Variants in HS6ST3 observed in about 807,000 individuals in gnomAD.
The protein encoded by HS6ST3 is heparan-sulfate 6-O-sulfotransferase 3.
HS6ST3 carries 12 observed loss-of-function variants against 36.7 expected under a neutral mutation model. The observed-to-expected ratio is 0.33, with a 90% CI of 0.21 to 0.53. The LOEUF is 0.53. HS6ST3 is among the 20% of genes least tolerant of loss of function. The pLI is 0.95. For synonymous variants in HS6ST3, 240 were observed against 257.5 expected, an observed-to-expected ratio of 0.93 and a Z score of 0.65; for missense variants, 584 against 640.9, an observed-to-expected ratio of 0.91 and a Z score of 0.96.
At chr13:96,174,105 C>G (rs1372817919) in intron 1 of HS6ST3, among the ~76,000 whole-genome samples, 1 of 152,168 alleles carries the variant, frequency 6.6e-6, no homozygotes, top group East Asian at 1.9e-4. Flanking sequence ...TAAATACTAG[C>G]TAATCATCAT....
At chr13:96,506,570 C>A (rs2056027531) in intron 1 of HS6ST3, among the ~76,000 whole-genome samples, 1 of 152,086 alleles carries the variant, frequency 6.6e-6, no homozygotes, top group East Asian at 1.9e-4. Flanking sequence ...GCTGCCTTTC[C>A]ATTTAGATGG....
At chr13:96,684,938 A>G (rs1193661373) in intron 1 of HS6ST3, among the ~76,000 whole-genome samples, 1 of 152,112 alleles carries the variant, frequency 6.6e-6, no homozygotes, top group Non-Finnish European at 1.5e-5. Context: ...GATTGCATAT[A>G]TGTGTATATG....
intron 1 of HS6ST3, among the ~76,000 whole-genome samples, chr13:96,665,279 A>G: frequency 6.6e-6 from 1 of 152,342 alleles, no homozygotes; most frequent in East Asian, 1.9e-4. Context: ...TATAAGATAC[A>G]TTTCAATTGA....
chr13:96,526,746 A>G (rs941068810), intron 1 of HS6ST3, among the ~76,000 whole-genome samples: 2 of 152,164 alleles, frequency 1.3e-5, no homozygotes, highest in Non-Finnish European at 2.9e-5. Context: ...ATCATTAGGT[A>G]TGGGAGAAAG....
intron 1 of HS6ST3, among the ~76,000 whole-genome samples, chr13:96,718,701 C>CA (rs1198100846): frequency 2.0e-5 from 3 of 152,112 alleles, no homozygotes; most frequent in African/African-American, 7.2e-5. Flanking sequence ...ATACAACTCC[C>CA]AAAAAATACT....
chr13:96,127,223 G>A (rs1227872453), intron 1 of HS6ST3, among the ~76,000 whole-genome samples: 1 of 152,138 alleles, frequency 6.6e-6, no homozygotes, highest in African/African-American at 2.4e-5. Context: ...ATGGATACTT[G>A]CCATTCTTCT....
At chr13:96,620,674 C>T (rs914740256) in intron 1 of HS6ST3, among the ~76,000 whole-genome samples, 2 of 152,092 alleles carry the variant, frequency 1.3e-5, no homozygotes, top group Non-Finnish European at 2.9e-5. Context: ...TCATTAGTTC[C>T]CCCACCTGTA....
At chr13:96,591,479 A>G in intron 1 of HS6ST3, among the ~76,000 whole-genome samples, 1 of 151,944 alleles carries the variant, frequency 6.6e-6, no homozygotes. Context: ...ATTACTTTTT[A>G]ATTTCTTTTT....
At chr13:96,168,177 T>A (rs112291042) in intron 1 of HS6ST3, among the ~76,000 whole-genome samples, 2,010 of 152,224 alleles carry the variant, frequency 0.013, 23 homozygotes, top group Non-Finnish European at 0.02. Flanking sequence ...TTAACCACTC[T>A]CTAGGGCATG....
At chr13:96,590,235 T>C (rs909449818) in intron 1 of HS6ST3, among the ~76,000 whole-genome samples, 1 of 152,152 alleles carries the variant, frequency 6.6e-6, no homozygotes, top group Non-Finnish European at 1.5e-5. Context: ...ATAGTAGCTC[T>C]ATTTTTAGTT....
chr13:96,342,377 G>A (rs2055135123), intron 1 of HS6ST3, among the ~76,000 whole-genome samples: 1 of 152,130 alleles, frequency 6.6e-6, no homozygotes, highest in African/African-American at 2.4e-5. Flanking sequence ...TTAAAGCCTA[G>A]GTATCTAATA....
chr13:96,539,408 T>G (rs1211261565), intron 1 of HS6ST3, among the ~76,000 whole-genome samples: 1 of 151,538 alleles, frequency 6.6e-6, no homozygotes, highest in Admixed American at 6.6e-5. Context: ...CAGGCTGGAG[T>G]GCAGTGGTGA....
At chr13:96,547,510 T>C (rs190243347) in intron 1 of HS6ST3, among the ~76,000 whole-genome samples, 7 of 152,296 alleles carry the variant, frequency 4.6e-5, no homozygotes, top group Admixed American at 2.0e-4. Flanking sequence ...ATTTTAAAAC[T>C]TAAATGTGAT....
At chr13:96,334,097 G>A (rs1286343270) in intron 1 of HS6ST3, among the ~76,000 whole-genome samples, 1 of 152,120 alleles carries the variant, frequency 6.6e-6, no homozygotes, top group Admixed American at 6.5e-5. Flanking sequence ...AATTAGCTGG[G>A]CAAAAAGGGG....
chr13:96,243,585 C>T (rs1053130101), intron 1 of HS6ST3, among the ~76,000 whole-genome samples: 1 of 152,140 alleles, frequency 6.6e-6, no homozygotes, highest in Admixed American at 6.5e-5. Context: ...CTAATAGCTG[C>T]TGTGTGTGTC....
chr13:96,575,802 T>A (rs2138965081), intron 1 of HS6ST3, among the ~76,000 whole-genome samples: 1 of 152,298 alleles, frequency 6.6e-6, no homozygotes, highest in Non-Finnish European at 1.5e-5. Flanking sequence ...GGTGGCAAAG[T>A]TCGTAGAACT....
At chr13:96,296,733 C>T (rs996977481) in intron 1 of HS6ST3, among the ~76,000 whole-genome samples, 1 of 152,060 alleles carries the variant, frequency 6.6e-6, no homozygotes, top group African/African-American at 2.4e-5. Context: ...TTTTAAATTT[C>T]CCAAGTTATA....
intron 1 of HS6ST3, among the ~76,000 whole-genome samples, chr13:96,249,314 G>T (rs1025535056): frequency 1.3e-5 from 2 of 152,182 alleles, no homozygotes; most frequent in Non-Finnish European, 2.9e-5. Context: ...TTAAGATAAT[G>T]CATTGCTATT....
rs58185989 is a variant in HS6ST3, at chr13:96,358,869, AATCTATCTATCT to A, written c.707+267338_707+267349del. On this transcript the variant is annotated intron_variant, in intron 1 of 1. Coordinates refer to ENST00000376705, the MANE Select transcript of HS6ST3 (RefSeq NM_153456.4). ...TGATTAAGAAAGGAAGTATATATAT[AATCTATCTATCT>A]ATCTATCTATCTATCTATCTATCTA... is the stretch of plus-strand genomic sequence containing the variant. 1.4e-3 allele frequency among the ~76,000 whole-genome samples: 208 copies of A among 147,626 alleles called. 2 individuals carry two copies. Among genetic ancestry groups the A allele is most frequent in the Middle Eastern group, 3.5e-3 (1 of 286 alleles).
Sources: gnomAD v4.1 joint callset for allele counts (sites outside exome capture counted in the v4.1 genomes callset) on GRCh38, gnomAD v4.1.1 for gene constraint, MANE v1.5 for transcripts, NCBI Gene and HGNC (gene_info 2026-07-23, HGNC 2026-07-21) for gene names.